The following COG2 variants were observed in gnomAD, a reference collection of about 807,000 sequenced individuals.
COG2 encodes the protein conserved oligomeric Golgi complex subunit 2.
COG2 carries 52 observed loss-of-function variants against 90.6 expected under a neutral mutation model. The observed-to-expected ratio is 0.57, with a 90% CI of 0.46 to 0.72. The LOEUF (loss-of-function observed/expected upper bound fraction) is 0.72. Ranked by LOEUF, COG2 falls within the 30% of genes least tolerant of loss-of-function variation. The probability of loss-of-function intolerance (pLI) is 0.00; values close to 1 mark genes in which losing one functional copy is unlikely to be tolerated. For synonymous variants in COG2, 337 were observed against 320.4 expected (o/e 1.05, Z -0.55); for missense variants, 829 against 891.2 (o/e 0.93, Z 0.89).
At chr1:230,669,123 G>T in intron 6 of COG2, 1 of 463,912 alleles carries the variant, frequency 2.2e-6, no homozygotes, top group East Asian at 3.3e-5. Flanking sequence ...TAAGAGGAAG[G>T]TAACTTTTTT....
chr1:230,683,519 G>A, intron 10 of COG2, 55 bp from the exon 11 acceptor site: 5 of 1,340,570 alleles, frequency 3.7e-6, no homozygotes, highest in East Asian at 2.3e-5. Flanking sequence ...AATGGATAGG[G>A]AAAGGCATCT....
chr1:230,669,588 T>C (rs1191549321), intron 7 of COG2, 53 bp downstream of exon 7: 12 of 1,495,248 alleles, frequency 8.0e-6, no homozygotes, highest in Non-Finnish European at 9.2e-7. Flanking sequence ...TGTCTTTGAC[T>C]CTTTACTGGG....
rs151139918 is a variant in COG2 at position 230,672,168 on chromosome 1, C to T, written c.899+528C>T. Among the ~76,000 whole-genome samples, 243 of 152,296 alleles carry T rather than the reference C, an allele frequency of 1.6e-3. 1 individual carries two copies. Among genetic ancestry groups the T allele is most frequent in the South Asian group, 8.3e-4 (4 of 4,822 alleles). Reference sequence around the variant, plus strand: ...CAATAATAGAATCTTCCCACCCTGTCTCCCTGCTTCCAGTCTCTCCCTCTC... The same window carrying T: ...CAATAATAGAATCTTCCCACCCTGTTTCCCTGCTTCCAGTCTCTCCCTCTC... On this transcript the variant is annotated intron_variant, in intron 8 of 17. Coordinates refer to ENST00000366669, the MANE Select transcript of COG2 (RefSeq NM_007357.3).
rs1558280566 is a variant in COG2, at chr1:230,688,570, CCA to C, written c.1794+9_1794+10del. The C allele has an allele frequency of 2.5e-6, 4 of 1,613,530 alleles. No individual in the cohort carries two copies. The highest frequency in any genetic ancestry group is 3.4e-6 in the Non-Finnish European group (4 of 1,179,804). On this transcript the variant is annotated intron_variant, in intron 15 of 17. Coordinates refer to ENST00000366669, the MANE Select transcript of COG2 (RefSeq NM_007357.3). ...TACCGAAGAACCAATAAGGTCAGCG[CCA>C]TTTATGGGAGAGAATTTTGAGGTGG...
In COG2 at chr1:230,669,425, T is replaced by C. The variant is rs1317740203; in HGVS notation, c.664T>C (p.Ser222Pro). The change falls in exon 7 of 18, where the codon TCT (serine) becomes CCT (proline). Residue 222 changes from serine (S) to proline (P), a missense_variant. Ser to Pro is a moderately conservative substitution (Grantham distance 74). Transcript: ENST00000366669. ...EGLLLEGLQT[S>P]DVDIIRHCLR... ...TCTCCTATTAGAAGGCCTTCAGACG[T>C]CTGACGTCGATATAATACGGCACTG... The C allele has an allele frequency of 6.2e-7, 1 of 1,614,122 alleles. No individual in the cohort carries two copies. The highest frequency in any genetic ancestry group is 1.7e-4 in the Middle Eastern group (1 of 6,058).
intron 1 of COG2, among the ~76,000 whole-genome samples, chr1:230,649,183 T>C (rs1661857304): frequency 6.6e-6 from 1 of 152,244 alleles, no homozygotes; most frequent in South Asian, 2.1e-4. Context: ...CCATAGATGC[T>C]GGAAAACACT....
In COG2 at chr1:230,693,637, A is replaced by G; in HGVS notation, c.*244A>G. 2.9e-6 allele frequency: 1 copy of G among 339,674 alleles called. No homozygotes were observed. Among genetic ancestry groups the G allele is most frequent in the East Asian group, 4.9e-5 (1 of 20,454 alleles). The allele number at this position is 339,674 out of a possible 1,614,324, so 21.0% of individuals were successfully genotyped here. ...GTTTTTAAGACATTTGAAACTTTCT[A>G]CTATAGTTTACAGAACAAATTATTT... On this transcript the variant is annotated 3_prime_UTR_variant, in exon 18 of 18. Transcript: ENST00000366669.
intron 1 of COG2, among the ~76,000 whole-genome samples, chr1:230,649,043 G>A (rs3789638): frequency 1.3e-5 from 2 of 152,110 alleles, no homozygotes; most frequent in African/African-American, 2.4e-5. Flanking sequence ...TTGCCTTCTC[G>A]TAAATACATC....
Position 230,686,920 on chromosome 1 carries a change from G to GA in COG2, c.1381-12dup, listed in dbSNP as rs1430352597. 1 of 1,496,248 alleles carries GA rather than the reference G, an allele frequency of 6.7e-7. No individual in the cohort carries two copies. The highest frequency in any genetic ancestry group is 1.4e-5 in the African/African-American group (1 of 71,634). 92.7% of individuals were successfully genotyped at this position (1,496,248 alleles called of 1,614,324 possible). ...GCTAGTGTGAAAGTAGTTAATCAGT[G>GA]AAATCCTTTTTCAGCTTTCACTCAG... On this transcript the variant is annotated splice_polypyrimidine_tract_variant and intron_variant, in intron 12 of 17. Coordinates refer to ENST00000366669, the MANE Select transcript of COG2 (RefSeq NM_007357.3).
rs777740281 is a variant in COG2, at chr1:230,664,516, G to T, written c.414G>T (p.Arg138=). ...TATTGAGGCTTATACAAGTTATTCG[G>T]TCAGTTGAGAAAATTGAAAAAATCT... ...MCVLRLIQVI[R]SVEKIEKILN... Residue 138 remains arginine, a synonymous_variant, in exon 5 of 18, where the codon CGG becomes CGT. Transcript: ENST00000366669. 6.4e-7 allele frequency: 1 copy of T among 1,569,544 alleles called. No individual in the cohort carries two copies. Among genetic ancestry groups the T allele is most frequent in the Non-Finnish European group, 8.7e-7 (1 of 1,151,554 alleles).
At chr1:230,653,501 G>A (rs924819472) in intron 1 of COG2, among the ~76,000 whole-genome samples, 7 of 26,860 alleles carry the variant, frequency 2.6e-4, no homozygotes, top group Non-Finnish European at 3.9e-4. Flanking sequence ...CATTACAGAC[G>A]TGAGCCACTG....
At chr1:230,657,372 TAAA>T (rs1025322478) in intron 1 of COG2, among the ~76,000 whole-genome samples, 3 of 152,204 alleles carry the variant, frequency 2.0e-5, no homozygotes, top group Non-Finnish European at 4.4e-5. Context: ...ATTGTTTTCT[TAAA>T]GAATATTTAA....
chr1:230,642,933 C>T (rs1266947223), intron 1 of COG2: 2 of 498,804 alleles, frequency 4.0e-6, no homozygotes, highest in Non-Finnish European at 7.1e-6. Flanking sequence ...TTTTGAGCTG[C>T]ATGTCAAAGC....
In COG2 at chr1:230,642,546, C is replaced by A; in HGVS notation, c.-61C>A. On this transcript the variant is annotated 5_prime_UTR_variant, in exon 1 of 18. The change creates a new upstream start codon in the 5' untranslated region. Transcript: ENST00000366669. ...CGGTGGCCGCGGCCGCCGAGTCGGT[C>A]TGCGCAGCCTCCTGCGTTTTCTCGC... The A allele has an allele frequency of 6.5e-7, 1 of 1,541,344 alleles. No homozygotes were observed. The highest frequency in any genetic ancestry group is 1.2e-5 in the South Asian group (1 of 84,630).
chr1:230,642,764 T>C, intron 1 of COG2, 86 bp downstream of exon 1: 4 of 1,327,820 alleles, frequency 3.0e-6, no homozygotes, highest in Non-Finnish European at 4.2e-6. Context: ...GGTCGGCTGC[T>C]CCTGCCTGCG....
chr1:230,642,994 C>G (rs1661666437), intron 1 of COG2: 4 of 318,390 alleles, frequency 1.3e-5, no homozygotes, highest in Admixed American at 5.1e-5. Context: ...TGCCAGTCCC[C>G]TTGTCGGAAA....
At position 230,642,642 on chromosome 1, in the gene COG2, G is replaced by C. The variant is rs537982202; in HGVS notation, c.36G>C (p.Pro12=). 1 of 1,613,154 alleles carries C rather than the reference G, an allele frequency of 6.2e-7. No individual in the cohort carries two copies. The highest frequency in any genetic ancestry group is 1.1e-5 in the South Asian group (1 of 90,776). Residue 12 remains proline (P), a synonymous_variant, in exon 1 of 18, where the codon CCG becomes CCC. Coordinates refer to ENST00000366669, the MANE Select transcript of COG2 (RefSeq NM_007357.3). ...EKSRMNLPKG[P]DTLCFDKDEF... ...GTAGGATGAACCTGCCCAAGGGGCC[G>C]GACACGCTCTGCTTCGACAAGGACG...
intron 7 of COG2, 179 bp downstream of exon 7, chr1:230,669,714 C>CGATGCCAG (rs1214181442): frequency 2.0e-6 from 1 of 506,046 alleles, no homozygotes; most frequent in Non-Finnish European, 3.3e-6. Context: ...AGTAATGTTA[C>CGATGCCAG]GATGCCAGGA....
At chr1:230,664,434 A>G in intron 4 of COG2, 50 bp from the exon 5 acceptor site, 1 of 818,338 alleles carries the variant, frequency 1.2e-6, no homozygotes, top group Non-Finnish European at 1.9e-6. Context: ...GAAATAAGAA[A>G]ATTAAGATTA....
Sources: gnomAD v4.1 joint callset for allele counts (sites outside exome capture counted in the v4.1 genomes callset) on GRCh38, gnomAD v4.1.1 for gene constraint, MANE v1.5 for transcripts, NCBI Gene and HGNC (gene_info 2026-07-23, HGNC 2026-07-21) for gene names.